The following TP53INP1 variants were observed in gnomAD, a reference collection of about 807,000 sequenced individuals.
The protein encoded by TP53INP1 is tumor protein p53-inducible nuclear protein 1.
Under a neutral mutation model 21.0 loss-of-function variants are expected in TP53INP1, and 12 were observed. The observed-to-expected ratio is 0.57, with a 90% CI of 0.37 to 0.93. The LOEUF (loss-of-function observed/expected upper bound fraction) is 0.93, where lower values mean the gene tolerates loss of function less well. Ranked by LOEUF, TP53INP1 falls within the 40% of genes least tolerant of loss-of-function variation. The pLI is 0.01. For synonymous variants in TP53INP1, 91 were observed against 94.8 expected (o/e 0.96, Z 0.23); for missense variants, 274 against 294.7 (o/e 0.93, Z 0.51).
intron 1 of TP53INP1, among the ~76,000 whole-genome samples, chr8:94,942,469 C>CT (rs912602918): frequency 1.3e-5 from 2 of 152,210 alleles, no homozygotes; most frequent in Non-Finnish European, 2.9e-5. Context: ...ACTGTTGTCT[C>CT]TGAGACTTTG....
intron 1 of TP53INP1, among the ~76,000 whole-genome samples, chr8:94,944,879 C>T (rs536357025): frequency 6.6e-6 from 1 of 152,196 alleles, no homozygotes; most frequent in South Asian, 2.1e-4. Flanking sequence ...ACTTCTAGCA[C>T]AAAAAAGTGA....
At position 94,926,330 on chromosome 8, in the gene TP53INP1, C is replaced by T. The variant is rs192250917; in HGVS notation, c.*4149G>A. On this transcript the variant is annotated 3_prime_UTR_variant, in exon 4 of 4. Coordinates refer to ENST00000342697, the MANE Select transcript of TP53INP1 (RefSeq NM_033285.4). The stretch of plus-strand genomic sequence containing the variant: ...ATTAAGAAGGCACATGTACAGTCTA[C>T]AATACTCTTCAGTCTCCCTAACTCA... 3.0e-4 allele frequency: 45 copies of T among 150,998 alleles called. No individual in the cohort carries two copies. Among genetic ancestry groups the T allele is most frequent in the African/African-American group, 1.1e-3 (44 of 40,954 alleles). 9.4% of individuals were successfully genotyped at this position (150,998 alleles called of 1,614,324 possible).
intron 3 of TP53INP1, 141 bp downstream of exon 3, chr8:94,939,719 T>C: frequency 3.3e-6 from 4 of 1,209,840 alleles, no homozygotes; most frequent in Non-Finnish European, 4.7e-6. Flanking sequence ...TTACGGACCA[T>C]CTTGTGTACT....
chr8:94,932,230 G>T, intron 3 of TP53INP1: 1 of 961,814 alleles, frequency 1.0e-6, no homozygotes, highest in Non-Finnish European at 1.6e-6. Flanking sequence ...TTAAAGGCAC[G>T]TACATGTGCT....
chr8:94,947,381 C>A (rs1433550518), intron 1 of TP53INP1, among the ~76,000 whole-genome samples: 2 of 151,826 alleles, frequency 1.3e-5, no homozygotes, highest in African/African-American at 2.4e-5. Flanking sequence ...GGTGGCTAAA[C>A]GTACCGTCAT....
intron 1 of TP53INP1, among the ~76,000 whole-genome samples, chr8:94,945,866 A>C (rs1821940136): frequency 6.6e-6 from 1 of 152,180 alleles, no homozygotes; most frequent in South Asian, 2.1e-4. Context: ...CGACAAGAGA[A>C]AAGAACCCCT....
chr8:94,942,472 A>G (rs531821659), intron 1 of TP53INP1, among the ~76,000 whole-genome samples: 1 of 152,276 alleles, frequency 6.6e-6, no homozygotes, highest in African/African-American at 2.4e-5. Flanking sequence ...GTTGTCTCTG[A>G]GACTTTGCCA....
intron 3 of TP53INP1, among the ~76,000 whole-genome samples, chr8:94,935,158 T>TAGATAGATA (rs1820852947): frequency 6.6e-6 from 1 of 151,832 alleles, no homozygotes; most frequent in South Asian, 2.1e-4. Flanking sequence ...GATAGATAGA[T>TAGATAGATA]AGATAGATAG....
intron 3 of TP53INP1, chr8:94,931,975 AAAAG>A (rs1031193684): frequency 5.1e-5 from 67 of 1,315,834 alleles, no homozygotes; most frequent in East Asian, 3.0e-4. Context: ...CCATCTCAAA[AAAAG>A]AAAGAAAGTC....
At chr8:94,934,125 A>C (rs1820730903) in intron 3 of TP53INP1, among the ~76,000 whole-genome samples, 1 of 140,796 alleles carries the variant, frequency 7.1e-6, no homozygotes, top group Non-Finnish European at 1.5e-5. Context: ...TTAGGTTAAA[A>C]GTTTATGTGT....
At chr8:94,947,185 GCT>G (rs1330657328) in intron 1 of TP53INP1, among the ~76,000 whole-genome samples, 3 of 151,590 alleles carry the variant, frequency 2.0e-5, no homozygotes, top group Admixed American at 6.6e-5. Flanking sequence ...CCCTATACAT[GCT>G]CTTTTAGGCT....
chr8:94,938,052 G>C (rs1480406642), intron 3 of TP53INP1, among the ~76,000 whole-genome samples: 1 of 152,124 alleles, frequency 6.6e-6, no homozygotes, highest in East Asian at 1.9e-4. Flanking sequence ...GTTATGAATT[G>C]GGATCAATTC....
At position 94,927,924 on chromosome 8, in the gene TP53INP1, C is replaced by CAAAA. The variant is rs1820043685; in HGVS notation, c.*2554_*2555insTTTT. On this transcript the variant is annotated 3_prime_UTR_variant, in exon 4 of 4. Coordinates refer to ENST00000342697, the MANE Select transcript of TP53INP1 (RefSeq NM_033285.4). Reference sequence around the variant, plus strand: ...ATATTTACAATAGCAAAAAAAAAAGCTCATAAAATGCATTTTGGCCATGTT... The same window carrying CAAAA: ...ATATTTACAATAGCAAAAAAAAAAGCAAAATCATAAAATGCATTTTGGCCATGTT... 1.5e-5 allele frequency: 2 copies of CAAAA among 131,756 alleles called. 1 individual carries two copies. The highest frequency in any genetic ancestry group is 3.4e-5 in the Non-Finnish European group (2 of 59,426). The allele number at this position is 131,756 out of a possible 1,614,324, so 8.2% of individuals were successfully genotyped here. A position where few individuals can be genotyped will look rare whatever the true frequency, so the allele number is the denominator to read the frequency against.
Position 94,948,358 on chromosome 8 carries a change from C to G in TP53INP1, c.-151+796G>C, listed in dbSNP as rs1307938883. On this transcript the variant is annotated intron_variant, in intron 1 of 3. Transcript: ENST00000342697. ...AGGTTATTATGAGAATCAACTGGGG[C>G]GATAAAGCAAAGCCCCCAGCATAGT... 3.3e-5 allele frequency among the ~76,000 whole-genome samples: 5 copies of G among 152,112 alleles called. No homozygotes were observed. The East Asian group carries it at 9.6e-4, about 29-fold the overall frequency.
intron 1 of TP53INP1, among the ~76,000 whole-genome samples, chr8:94,944,672 C>G (rs939367824): frequency 6.6e-6 from 1 of 152,196 alleles, no homozygotes; most frequent in African/African-American, 2.4e-5. Context: ...CATGGCACAT[C>G]TGCTGACACC....
Position 94,927,632 on chromosome 8 carries a change from TGCA to T in TP53INP1, c.*2844_*2846del, listed in dbSNP as rs1212542356. On this transcript the variant is annotated 3_prime_UTR_variant, in exon 4 of 4. Transcript: ENST00000342697. The stretch of plus-strand genomic sequence containing the variant: ...TGGATGGCTAATTTTCACCTTACAG[TGCA>T]GTACACAATTAGTTGAGAAAAAAAA... 2 of 152,140 alleles carry T rather than the reference TGCA, an allele frequency of 1.3e-5. No homozygotes were observed. Among genetic ancestry groups the T allele is most frequent in the Non-Finnish European group, 2.9e-5 (2 of 68,014 alleles). 9.4% of individuals were successfully genotyped at this position (152,140 alleles called of 1,614,324 possible).
At chr8:94,936,707 T>TA (rs1278656867) in intron 3 of TP53INP1, among the ~76,000 whole-genome samples, 1 of 152,046 alleles carries the variant, frequency 6.6e-6, no homozygotes, top group Non-Finnish European at 1.5e-5. Flanking sequence ...AGGGGTATAT[T>TA]AGGACATGCC....
chr8:94,936,522 C>T (rs543118117), intron 3 of TP53INP1, among the ~76,000 whole-genome samples: 11 of 152,122 alleles, frequency 7.2e-5, no homozygotes, highest in Admixed American at 2.0e-4. Flanking sequence ...AAAAACAAAT[C>T]GGCTCTGTGG....
rs750334220 is a variant in TP53INP1 at position 94,940,227 on chromosome 8, C to T, written c.113-7G>A. 9 of 1,598,808 alleles carry T rather than the reference C, an allele frequency of 5.6e-6. No individual in the cohort carries two copies. Among genetic ancestry groups the T allele is most frequent in the South Asian group, 4.5e-5 (4 of 88,140 alleles). On this transcript the variant is annotated splice_polypyrimidine_tract_variant and splice_region_variant and intron_variant, in intron 2 of 3. Transcript: ENST00000342697. ...GAGAAACCAGTGCAAGTATCTAGAT[C>T]GTAGTCCACATTGCAGTCCACATGT...
Sources: allele counts gnomAD v4.1 joint callset (sites outside exome capture counted in the v4.1 genomes callset), GRCh38; gene constraint gnomAD v4.1.1; transcripts MANE v1.5; gene names NCBI Gene and HGNC (gene_info 2026-07-23, HGNC 2026-07-21).